Variants in ACY1 observed in about 807,000 individuals in gnomAD.
The protein encoded by ACY1 is aminoacylase 1, also known as aminoacylase-1.
Under a neutral mutation model 53.3 loss-of-function variants are expected in ACY1, and 38 were observed. The ratio of observed to expected loss-of-function variants is 0.71; its 90% CI spans 0.55 to 0.93. The LOEUF (loss-of-function observed/expected upper bound fraction) is 0.93. ACY1 is among the 40% of genes least tolerant of loss of function. The probability of loss-of-function intolerance (pLI) is 0.00; values close to 1 mark genes in which losing one functional copy is unlikely to be tolerated. For missense variants in ACY1, 484 were observed against 540.9 expected, an observed-to-expected ratio of 0.89 and a Z score of 1.04; for synonymous variants, 177 against 202.1, an observed-to-expected ratio of 0.88 and a Z score of 1.05.
chr3:51,984,099 C>G lies in ACY1; in HGVS notation c.35C>G (p.Ser12Trp), dbSNP rs1202045339. Residue 12 changes from serine (S) to tryptophan (W), a missense_variant, in exon 2 of 15, where the codon TCG (serine) becomes TGG (tryptophan). Physicochemically the swap from Ser to Trp is radical, Grantham distance 177 (BLOSUM62 -3). Transcript: ENST00000636358. ...TSKGPEEEHP[S>W]VTLFRQYLRI... Reference sequence around the variant, plus strand: ...AAGGGTCCCGAGGAGGAGCACCCATCGGTGACGCTCTTCCGCCAGTACCTG... The same window carrying G: ...AAGGGTCCCGAGGAGGAGCACCCATGGGTGACGCTCTTCCGCCAGTACCTG... 4 of 1,613,560 alleles carry G rather than the reference C, an allele frequency of 2.5e-6. No individual in the cohort carries two copies. The highest frequency in any genetic ancestry group is 1.7e-5 in the Admixed American group (1 of 60,002).
chr3:51,984,054 C>T lies in ACY1; in HGVS notation c.-11C>T, dbSNP rs751660684. ...CATTCACTTTGCCCCCAGCTCACCACGCGCAGCGCCATGACCAGCAAGGGT... is the reference window on the plus strand; with the variant it reads ...CATTCACTTTGCCCCCAGCTCACCATGCGCAGCGCCATGACCAGCAAGGGT... On this transcript the variant is annotated 5_prime_UTR_variant, in exon 2 of 15. In the 5' UTR this introduces an upstream ATG that the reference lacks. Coordinates refer to ENST00000636358, the MANE Select transcript of ACY1 (RefSeq NM_000666.3). 8 of 1,612,474 alleles carry T rather than the reference C, an allele frequency of 5.0e-6. No individual in the cohort carries two copies. Among genetic ancestry groups the T allele is most frequent in the Non-Finnish European group, 6.8e-6 (8 of 1,179,508 alleles).
chr3:51,984,906 C>A, intron 2 of ACY1: 1 of 460,372 alleles, frequency 2.2e-6, no homozygotes, highest in Non-Finnish European at 4.0e-6. Context: ...TGTGATTAAT[C>A]AGCTGAGAGA....
rs773966256 is a variant in ACY1, at chr3:51,988,956, G to T, written c.1108G>T (p.Val370Leu). 35 of 1,614,092 alleles carry T rather than the reference G, an allele frequency of 2.2e-5. No homozygotes were observed. In the East Asian group the frequency reaches 7.3e-4, roughly 34 times the overall value. Residue 370 changes from valine to leucine, a missense_variant, in exon 15 of 15, where the codon GTG (valine) becomes TTG (leucine). Val to Leu is a conservative substitution (Grantham distance 32). Transcript: ENST00000636358. Reference protein sequence around the residue: ...LGFSPMNRTPVLLHDHDERLH... With the variant: ...LGFSPMNRTPLLLHDHDERLH... ...CTTCTCACCCATGAACCGCACACCTGTGCTGCTGCACGACCACGATGAACG... is the reference window on the plus strand; with the variant it reads ...CTTCTCACCCATGAACCGCACACCTTTGCTGCTGCACGACCACGATGAACG...
chr3:51,984,147 A>G lies in ACY1; in HGVS notation c.83A>G (p.Lys28Arg), dbSNP rs755424753. The stretch of plus-strand genomic sequence containing the variant: ...CTGCGTATCCGCACTGTCCAGCCCA[A>G]GCCTGACTATGGTGAGAAGACGGTG... ...QYLRIRTVQP[K>R]PDYGAAVAFF... The change falls in exon 2 of 15, where the codon AAG (lysine) becomes AGG (arginine). Residue 28 changes from lysine to arginine, a missense_variant. Coordinates refer to ENST00000636358, the MANE Select transcript of ACY1 (RefSeq NM_000666.3). The G allele has an allele frequency of 5.6e-6, 9 of 1,613,858 alleles. No homozygotes were observed. The East Asian group carries it at 1.8e-4, about 32-fold the overall frequency.
At chr3:51,985,338 C>T (rs752495351) in intron 3 of ACY1, 23 bp from the exon 4 acceptor site, 1 of 1,614,076 alleles carries the variant, frequency 6.2e-7, no homozygotes, top group East Asian at 2.2e-5. Context: ...GCTCAGACCA[C>T]CTACCCTCCT....
Position 51,988,791 on chromosome 3 carries a change from A to T in ACY1, c.1027A>T (p.Met343Leu). 1 of 1,614,064 alleles carries T rather than the reference A, an allele frequency of 6.2e-7. No homozygotes were observed. Among genetic ancestry groups the T allele is most frequent in the South Asian group, 1.1e-5 (1 of 91,078 alleles). Reference protein sequence around the residue: ...DMNLTLEPEIMPAATDNRYIR... With the variant: ...DMNLTLEPEILPAATDNRYIR... ...GAACCTCACTCTGGAGCCTGAGATCATGCCTGCTGCCACTGACAACCGCTA... is the reference window on the plus strand; with the variant it reads ...GAACCTCACTCTGGAGCCTGAGATCTTGCCTGCTGCCACTGACAACCGCTA... Residue 343 changes from methionine to leucine, a missense_variant, in exon 14 of 15, where the codon ATG (methionine) becomes TTG (leucine). Transcript: ENST00000636358.
chr3:51,985,768 C>A, intron 4 of ACY1, 84 bp from the exon 5 acceptor site: 1 of 1,190,416 alleles, frequency 8.4e-7, no homozygotes, highest in Non-Finnish European at 1.2e-6. Context: ...CTATGGTGGG[C>A]TCCTAGGGCA....
rs1224719193 is a variant in ACY1 at position 51,986,863 on chromosome 3, C to T, written c.584-125C>T. On this transcript the variant is annotated intron_variant, in intron 8 of 14. Transcript: ENST00000636358. ...CAGAAACCAGCTGTATGCTACGGGC[C>T]CTGAGTGGGGACAGGACCCTGCCAG... 6 of 1,265,374 alleles carry T rather than the reference C, an allele frequency of 4.7e-6. 1 individual carries two copies. The highest frequency in any genetic ancestry group is 4.0e-5 in the Admixed American group (2 of 50,118). The allele number at this position is 1,265,374 out of a possible 1,614,324, so 78.4% of individuals were successfully genotyped here. A position where few individuals can be genotyped will look rare whatever the true frequency, so the allele number is the denominator to read the frequency against.
chr3:51,987,195 A>G lies in ACY1; in HGVS notation c.706A>G (p.Arg236Gly). ...ILAFREKEWQ[R>G]LQSNPHLKEG... Reference sequence around the variant, plus strand: ...GGCATTCCGGGAGAAGGAATGGCAGAGGTGAGGCAGCCTGGGAGGCAGTGG... The same window carrying G: ...GGCATTCCGGGAGAAGGAATGGCAGGGGTGAGGCAGCCTGGGAGGCAGTGG... The change falls in exon 10 of 15, where the codon AGG becomes GGG. Residue 236 changes from arginine (R) to glycine (G), a missense_variant and splice_region_variant. Arg to Gly is a moderately radical substitution (Grantham distance 125, BLOSUM62 -2). Transcript: ENST00000636358. 26 of 1,614,162 alleles carry G rather than the reference A, an allele frequency of 1.6e-5. No homozygotes were observed. The highest frequency in any genetic ancestry group is 2.2e-5 in the Non-Finnish European group (26 of 1,180,010).
In ACY1 at chr3:51,987,592, G is replaced by A; in HGVS notation, c.889G>A (p.Ala297Thr). ...EEQLQSWCQAAGEGVTLEFAQ... is the reference protein window; with the variant it reads ...EEQLQSWCQATGEGVTLEFAQ... ...GCAGCTGCAGAGCTGGTGCCAGGCA[G>A]CTGGCGAGGGGGTCACCCTAGAGTT... Residue 297 changes from alanine to threonine, a missense_variant, in exon 12 of 15, where the codon GCT becomes ACT. Transcript: ENST00000636358. 1 of 1,614,146 alleles carries A rather than the reference G, an allele frequency of 6.2e-7. No homozygotes were observed. The highest frequency in any genetic ancestry group is 8.5e-7 in the Non-Finnish European group (1 of 1,180,020).
intron 1 of ACY1, 76 bp downstream of exon 1, chr3:51,983,665 T>G: frequency 1.9e-5 from 5 of 267,866 alleles, no homozygotes; most frequent in South Asian, 7.8e-5. Context: ...GCGTTGGGGT[T>G]TTTCTTGTTT....
In ACY1 at chr3:51,983,970, G is replaced by T. The variant is rs752821080; in HGVS notation, c.-18-77G>T. The stretch of plus-strand genomic sequence containing the variant: ...CCCTGTGGGAAGTCCGGGAGCCGCC[G>T]TGGGGACAGGCTGTGTGCAGGAGCT... On this transcript the variant is annotated intron_variant, in intron 1 of 14. Coordinates refer to ENST00000636358, the MANE Select transcript of ACY1 (RefSeq NM_000666.3). 4 of 1,094,474 alleles carry T rather than the reference G, an allele frequency of 3.7e-6. No individual in the cohort carries two copies. The South Asian group carries it at 3.7e-5, about 10-fold the overall frequency. The allele number at this position is 1,094,474 out of a possible 1,614,324, so 67.8% of individuals were successfully genotyped here.
chr3:51,985,984 C>A, intron 5 of ACY1, 38 bp downstream of exon 5: 1 of 1,574,248 alleles, frequency 6.4e-7, no homozygotes, highest in East Asian at 2.3e-5. Flanking sequence ...ACAATGTCCC[C>A]ACTGGTCCAG....
In ACY1 at chr3:51,983,721, G is replaced by A. The variant is rs1282324998; in HGVS notation, c.-19+132G>A. The A allele has an allele frequency of 1.1e-5, 4 of 362,450 alleles. No homozygotes were observed. In the East Asian group the frequency reaches 2.0e-4, roughly 18 times the overall value. The allele number at this position is 362,450 out of a possible 1,614,324, so 22.5% of individuals were successfully genotyped here. A position where few individuals can be genotyped will look rare whatever the true frequency, so the allele number is the denominator to read the frequency against. On this transcript the variant is annotated intron_variant, in intron 1 of 14. Coordinates refer to ENST00000636358, the MANE Select transcript of ACY1 (RefSeq NM_000666.3). ...CCTTTTTTTTTTTTTAGGAGGGCGG[G>A]GGGAGTACAAGTCTGGGTTCAAACC...
At chr3:51,984,402 C>T (rs1700986508) in intron 2 of ACY1, 1 of 578,732 alleles carries the variant, frequency 1.7e-6, no homozygotes, top group African/African-American at 1.9e-5. Flanking sequence ...TAAAGAAAAA[C>T]TTCACCTCAC....
intron 2 of ACY1, chr3:51,984,651 C>G: frequency 7.6e-6 from 2 of 264,086 alleles, no homozygotes; most frequent in South Asian, 8.5e-5. Context: ...TCTGTCTCTA[C>G]AGAAAAAATA....
chr3:51,985,792 C>T, intron 4 of ACY1, 60 bp from the exon 5 acceptor site: 6 of 1,445,414 alleles, frequency 4.2e-6, no homozygotes, highest in Non-Finnish European at 4.8e-6. Context: ...CCACTGTTGA[C>T]CAGAGTGGAT....
At chr3:51,986,865 T>G in intron 8 of ACY1, 123 bp from the exon 9 acceptor site, 1 of 1,274,078 alleles carries the variant, frequency 7.8e-7, no homozygotes, top group Non-Finnish European at 1.1e-6. Context: ...CTACGGGCCC[T>G]GAGTGGGGAC....
In ACY1 at chr3:51,988,565, C is replaced by T; in HGVS notation, c.963C>T (p.Asn321=). 1 of 1,614,154 alleles carries T rather than the reference C, an allele frequency of 6.2e-7. No homozygotes were observed. The highest frequency in any genetic ancestry group is 8.5e-7 in the Non-Finnish European group (1 of 1,180,020). The change falls in exon 13 of 15, where the codon AAC becomes AAT. Residue 321 remains asparagine (N), a synonymous_variant. Coordinates refer to ENST00000636358, the MANE Select transcript of ACY1 (RefSeq NM_000666.3). The part of the protein sequence containing the change: ...HPQVTPTDDS[N]PWWAAFSRVC... ...AAGTGACACCTACTGATGACTCAAACCCTTGGTGGGCAGCTTTTAGCCGGG... is the reference window on the plus strand; with the variant it reads ...AAGTGACACCTACTGATGACTCAAATCCTTGGTGGGCAGCTTTTAGCCGGG...
Sources: gnomAD v4.1 joint callset for allele counts on GRCh38, gnomAD v4.1.1 for gene constraint, MANE v1.5 for transcripts, NCBI Gene and HGNC (gene_info 2026-07-23, HGNC 2026-07-21) for gene names.